The following SIRT5 variants were observed in gnomAD, a reference collection of about 807,000 sequenced individuals.
SIRT5 encodes the protein NAD-dependent protein deacylase sirtuin-5, mitochondrial.
Under a neutral mutation model 40.0 loss-of-function variants are expected in SIRT5, and 26 were observed. The observed-to-expected ratio is 0.65, with a 90% CI of 0.48 to 0.90. The LOEUF is 0.90. SIRT5 is among the 40% of genes least tolerant of loss of function. The probability of loss-of-function intolerance (pLI) is 0.00; values close to 1 mark genes in which losing one functional copy is unlikely to be tolerated. For missense variants in SIRT5, 401 were observed against 402.4 expected (o/e 1.00, Z 0.03); for synonymous variants, 146 against 149.1 (o/e 0.98, Z 0.15).
intron 2 of SIRT5, among the ~76,000 whole-genome samples, chr6:13,580,445 C>G (rs944675040): frequency 5.3e-5 from 8 of 152,118 alleles, no homozygotes; most frequent in African/African-American, 1.9e-4. Flanking sequence ...CTCTGCTCCC[C>G]CTTACTCCCC....
intron 5 of SIRT5, among the ~76,000 whole-genome samples, chr6:13,593,228 T>G (rs1761158117): frequency 6.6e-6 from 1 of 152,162 alleles, no homozygotes; most frequent in Non-Finnish European, 1.5e-5. Flanking sequence ...CATTTCTAAG[T>G]GTAGCATTTC....
intron 5 of SIRT5, among the ~76,000 whole-genome samples, chr6:13,592,840 A>G (rs1014720931): frequency 2.6e-5 from 4 of 152,126 alleles, no homozygotes; most frequent in Admixed American, 6.5e-5. Context: ...TTGCATTTAA[A>G]GAGTCTGCAT....
At chr6:13,575,426 A>G (rs979237031) in intron 1 of SIRT5, among the ~76,000 whole-genome samples, 5 of 152,032 alleles carry the variant, frequency 3.3e-5, no homozygotes, top group South Asian at 2.1e-4. Context: ...GGAGTGATGT[A>G]TTGCATTTAT....
intron 4 of SIRT5, among the ~76,000 whole-genome samples, chr6:13,590,465 G>T (rs759336811): frequency 2.0e-5 from 3 of 152,070 alleles, no homozygotes; most frequent in Non-Finnish European, 2.9e-5. Context: ...GCATGTATGT[G>T]TGTAGCTGTG....
At chr6:13,576,765 T>C (rs1758689281) in intron 1 of SIRT5, among the ~76,000 whole-genome samples, 1 of 152,250 alleles carries the variant, frequency 6.6e-6, no homozygotes. Flanking sequence ...TTATCTTCTA[T>C]TAGTTTTACA....
rs759550746 is a variant in SIRT5, at chr6:13,588,469, G to A, written c.249+5G>A. ...TGGAGAAAATGGCAAGCCCAGGTTT[G>A]TAAAGTTTCCAGAACATTAAAAGCC... On this transcript the variant is annotated splice_donor_5th_base_variant and intron_variant, in intron 4 of 9. Transcript: ENST00000606117. The A allele has an allele frequency of 6.2e-7, 1 of 1,612,622 alleles. No individual in the cohort carries two copies. Among genetic ancestry groups the A allele is most frequent in the South Asian group, 1.1e-5 (1 of 90,854 alleles).
At chr6:13,600,682 G>A in intron 8 of SIRT5, 152 bp from the exon 9 acceptor site, 1 of 560,718 alleles carries the variant, frequency 1.8e-6, no homozygotes, top group Admixed American at 3.4e-5. Flanking sequence ...ACTTTCCCTT[G>A]TCCCTTGGAC....
chr6:13,594,344 G>C (rs1009957630), intron 5 of SIRT5, among the ~76,000 whole-genome samples: 4 of 152,174 alleles, frequency 2.6e-5, no homozygotes, highest in African/African-American at 9.7e-5. Context: ...TGACAAAGTA[G>C]GTTTATTGGC....
chr6:13,601,031 CT>C, intron 9 of SIRT5, 82 bp downstream of exon 9: 1 of 1,039,212 alleles, frequency 9.6e-7, no homozygotes, highest in Admixed American at 2.6e-5. Flanking sequence ...ACCTACTCCT[CT>C]AATTTTTAAA....
Position 13,614,629 on chromosome 6 carries a change from AT to A in SIRT5, c.*2765del, listed in dbSNP as rs1378403902. 6.6e-6 allele frequency: 1 copy of A among 152,236 alleles called. No individual in the cohort carries two copies. 9.4% of individuals were successfully genotyped at this position (152,236 alleles called of 1,614,324 possible). A position where few individuals can be genotyped will look rare whatever the true frequency, so the allele number is the denominator to read the frequency against. On this transcript the variant is annotated 3_prime_UTR_variant, in exon 10 of 10. Transcript: ENST00000606117. The stretch of plus-strand genomic sequence containing the variant: ...ACCGGCGAAGCCATTCTTTCAGGAG[AT>A]ATGCTCAGCATTTGCCACGGGCCAG...
chr6:13,582,157 T>C (rs762708183), intron 2 of SIRT5, among the ~76,000 whole-genome samples: 23 of 152,226 alleles, frequency 1.5e-4, no homozygotes, highest in Middle Eastern at 3.4e-3. Context: ...CTGGAAGGCA[T>C]TGATAATCCA....
chr6:13,596,832 C>T, intron 6 of SIRT5, 131 bp from the exon 7 acceptor site: 4 of 677,678 alleles, frequency 5.9e-6, no homozygotes, highest in Non-Finnish European at 9.7e-6. Flanking sequence ...AATGCCCTTC[C>T]AAGTGAGCAT....
At chr6:13,606,341 A>G (rs1259202392) in intron 9 of SIRT5, among the ~76,000 whole-genome samples, 1 of 152,162 alleles carries the variant, frequency 6.6e-6, no homozygotes, top group East Asian at 1.9e-4. Flanking sequence ...TGGGGAGGGA[A>G]GACACCCAAG....
chr6:13,580,314 A>G (rs898667678), intron 2 of SIRT5, among the ~76,000 whole-genome samples: 1 of 152,132 alleles, frequency 6.6e-6, no homozygotes, highest in African/African-American at 2.4e-5. Flanking sequence ...TTTGTAGGTG[A>G]GGTTTATCAT....
intron 9 of SIRT5, among the ~76,000 whole-genome samples, chr6:13,609,223 G>C (rs1044071123): frequency 1.2e-4 from 18 of 152,146 alleles, no homozygotes; most frequent in African/African-American, 4.1e-4. Flanking sequence ...AGTTCCTCCT[G>C]TTCTAACCCA....
At chr6:13,578,433 A>G (rs938821502) in intron 1 of SIRT5, among the ~76,000 whole-genome samples, 6 of 152,008 alleles carry the variant, frequency 3.9e-5, no homozygotes, top group Non-Finnish European at 8.8e-5. Context: ...ATCCTGGCTA[A>G]CACGGTGAAA....
At chr6:13,598,844 AAAGACCATT>A (rs1761974635) in intron 7 of SIRT5, among the ~76,000 whole-genome samples, 179 bp from the exon 8 acceptor site, 2 of 151,840 alleles carry the variant, frequency 1.3e-5, no homozygotes, top group Non-Finnish European at 2.9e-5. Flanking sequence ...AAAAAAAAAA[AAAGACCATT>A]AAACCTGATG....
chr6:13,584,127 T>G lies in SIRT5; in HGVS notation c.17T>G (p.Ile6Ser). Residue 6 changes from isoleucine to serine, a missense_variant, in exon 3 of 10, where the codon ATT becomes AGT. Ile to Ser is a moderately radical substitution (Grantham distance 142). Transcript: ENST00000606117. ...CAAACCCTGATGCGACCTCTCCAGA[T>G]TGTCCCAAGTCGATTGATTTCCCAG... MRPLQ[I>S]VPSRLISQLY... 1 of 1,614,096 alleles carries G rather than the reference T, an allele frequency of 6.2e-7. No individual in the cohort carries two copies. The highest frequency in any genetic ancestry group is 8.5e-7 in the Non-Finnish European group (1 of 1,179,964).
chr6:13,601,726 C>T (rs1262962839), intron 9 of SIRT5, among the ~76,000 whole-genome samples: 4 of 152,018 alleles, frequency 2.6e-5, no homozygotes, highest in Admixed American at 2.6e-4. Context: ...CATGAAATTT[C>T]GATGTCATTG....
Sources: allele counts gnomAD v4.1 joint callset (sites outside exome capture counted in the v4.1 genomes callset), GRCh38; gene constraint gnomAD v4.1.1; transcripts MANE v1.5; gene names NCBI Gene and HGNC (gene_info 2026-07-23, HGNC 2026-07-21).